The following ARHGEF4 variants were observed in gnomAD, a reference collection of about 807,000 sequenced individuals.
ARHGEF4 encodes APC-stimulated guanine nucleotide exchange factor 1.
Under a neutral mutation model 162.0 loss-of-function variants are expected in ARHGEF4, and 119 were observed. That is an observed-to-expected ratio of 0.73 (90% CI 0.63 to 0.86). The LOEUF (loss-of-function observed/expected upper bound fraction) is 0.86. Among genes scored for constraint, ARHGEF4 ranks in the 40% least tolerant of loss-of-function variants. The pLI is 0.00. For missense variants in ARHGEF4, 2,488 were observed against 2,456.0 expected, an observed-to-expected ratio of 1.01 and a Z score of -0.28; for synonymous variants, 1,014 against 979.9, an observed-to-expected ratio of 1.03 and a Z score of -0.65.
chr2:130,973,366 G>A (rs1191416595), intron 4 of ARHGEF4, among the ~76,000 whole-genome samples: 2 of 152,194 alleles, frequency 1.3e-5, no homozygotes, highest in Non-Finnish European at 2.9e-5. Flanking sequence ...GTGCAAGCCT[G>A]TAATCCCAGC....
intron 4 of ARHGEF4, among the ~76,000 whole-genome samples, chr2:130,971,524 G>A (rs1308632390): frequency 6.6e-6 from 1 of 152,096 alleles, no homozygotes; most frequent in Admixed American, 6.5e-5. Context: ...CAGGCGTGGT[G>A]GCGGGCGCCT....
At chr2:130,906,952 G>C (rs1355735230) in intron 1 of ARHGEF4, among the ~76,000 whole-genome samples, 1 of 152,072 alleles carries the variant, frequency 6.6e-6, no homozygotes, top group African/African-American at 2.4e-5. Context: ...GTAGATTTTG[G>C]CAAATTTATA....
chr2:130,848,136 C>T (rs945638352), intron 1 of ARHGEF4, among the ~76,000 whole-genome samples: 1 of 152,166 alleles, frequency 6.6e-6, no homozygotes, highest in Admixed American at 6.5e-5. Context: ...AGCAGGCCAT[C>T]TGCACAGGAT....
At chr2:130,845,116 C>A (rs902361005) in intron 1 of ARHGEF4, among the ~76,000 whole-genome samples, 3 of 151,826 alleles carry the variant, frequency 2.0e-5, no homozygotes, top group African/African-American at 7.2e-5. Context: ...GCCACCCGGC[C>A]CGCTATATTT....
chr2:131,029,790 G>A (rs564589659), intron 5 of ARHGEF4, among the ~76,000 whole-genome samples: 1 of 152,306 alleles, frequency 6.6e-6, no homozygotes, highest in Admixed American at 6.5e-5. Context: ...TTGAACTCAG[G>A]TGATCTGCCC....
In ARHGEF4 at chr2:130,917,444, G is replaced by A; in HGVS notation, c.3498G>A (p.Gln1166=). Residue 1166 remains glutamine, a synonymous_variant, in exon 2 of 14, where the codon CAG becomes CAA. Coordinates refer to ENST00000409359, the MANE Select transcript of ARHGEF4 (RefSeq NM_001367493.1). ...AGGAAGAGAGCAGGGAAGGAGGCCA[G>A]GGTCCGCGCGGCTTGGGCACAGTGC... The part of the protein sequence containing the change: ...EQKEESREGG[Q]GPRGLGTVPW... 1.3e-6 allele frequency: 2 copies of A among 1,550,620 alleles called. No homozygotes were observed. Among genetic ancestry groups the A allele is most frequent in the Non-Finnish European group, 1.7e-6 (2 of 1,147,008 alleles).
chr2:130,916,858 GTC>G lies in ARHGEF4; in HGVS notation c.2914_2915del (p.Leu972AlafsTer17), dbSNP rs1559038455. The G allele has an allele frequency of 1.3e-6, 2 of 1,550,404 alleles. No homozygotes were observed. Among genetic ancestry groups the G allele is most frequent in the South Asian group, 1.2e-5 (1 of 84,056 alleles). ...AGCCCCAAAAAGCCCACCCTAGTGAGTCTGCCTCTAGGACCCGAAGTTCTCTC... is the reference window on the plus strand; with the variant it reads ...AGCCCCAAAAAGCCCACCCTAGTGAGTGCCTCTAGGACCCGAAGTTCTCTC... On this transcript the variant is annotated frameshift_variant, in exon 2 of 14. Transcript: ENST00000409359. LOFTEE classifies it high-confidence loss of function.
chr2:131,029,282 C>T (rs1378879670), intron 5 of ARHGEF4, among the ~76,000 whole-genome samples: 2 of 152,072 alleles, frequency 1.3e-5, no homozygotes, highest in East Asian at 1.9e-4. Flanking sequence ...TAGCTTAAAC[C>T]TGGGAGGCAG....
chr2:130,973,821 A>C (rs2105227863), intron 4 of ARHGEF4, among the ~76,000 whole-genome samples: 2 of 152,344 alleles, frequency 1.3e-5, no homozygotes, highest in South Asian at 4.1e-4. Context: ...GCAAGGTGAG[A>C]GAATAGATGA....
At chr2:131,035,352 G>C (rs1690183080) in intron 5 of ARHGEF4, 1 of 1,099,548 alleles carries the variant, frequency 9.1e-7, no homozygotes, top group Non-Finnish European at 1.1e-6. Flanking sequence ...TGGTCGCGGA[G>C]GGAAGGCCTC....
Position 131,041,217 on chromosome 2 carries a change from C to A in ARHGEF4, c.4663-13C>A. On this transcript the variant is annotated splice_polypyrimidine_tract_variant and intron_variant, in intron 8 of 13. Transcript: ENST00000409359. ...AGCAGAGAGCTCTGCTAACCTCCAG[C>A]TGTGCCCCTTAGCAAGCCGACTTCC... 1 of 1,609,436 alleles carries A rather than the reference C, an allele frequency of 6.2e-7. No individual in the cohort carries two copies. The highest frequency in any genetic ancestry group is 1.1e-5 in the South Asian group (1 of 90,466).
chr2:131,038,828 C>CGCCT, intron 5 of ARHGEF4, 25 bp from the exon 6 acceptor site: 2 of 1,584,298 alleles, frequency 1.3e-6, no homozygotes, highest in Non-Finnish European at 1.7e-6. Flanking sequence ...CCCACTGACC[C>CGCCT]GCCTGCCCGT....
chr2:131,034,670 G>A (rs1054270443), intron 5 of ARHGEF4, among the ~76,000 whole-genome samples: 1 of 152,196 alleles, frequency 6.6e-6, no homozygotes, highest in Non-Finnish European at 1.5e-5. Flanking sequence ...CAAAGCGCCG[G>A]TGCCAGGCGT....
chr2:130,873,405 G>A (rs189738146), intron 1 of ARHGEF4, among the ~76,000 whole-genome samples: 6 of 152,086 alleles, frequency 3.9e-5, no homozygotes, highest in African/African-American at 1.4e-4. Flanking sequence ...CCTGGCCAAC[G>A]TGGTGAAACC....
intron 4 of ARHGEF4, among the ~76,000 whole-genome samples, chr2:131,022,943 A>T (rs1222348173): frequency 1.3e-5 from 2 of 151,938 alleles, no homozygotes; most frequent in African/African-American, 4.8e-5. Context: ...TAACTCAAAT[A>T]TATAAAGAAC....
chr2:130,915,627 G>T lies in ARHGEF4; in HGVS notation c.1681G>T (p.Ala561Ser). 1.3e-6 allele frequency: 2 copies of T among 1,550,494 alleles called. No individual in the cohort carries two copies. Among genetic ancestry groups the T allele is most frequent in the Non-Finnish European group, 1.7e-6 (2 of 1,146,984 alleles). ...DAPETTQKSS[A>S]IDTSKAAEEA... is the part of the protein sequence containing the mutation. ...CCCTGAGACCACCCAGAAATCAAGC[G>T]CAATAGACACTTCAAAGGCAGCCGA... Residue 561 changes from alanine to serine, a missense_variant, in exon 2 of 14, where the codon GCA becomes TCA. Ala to Ser is a moderately conservative substitution (Grantham distance 99, BLOSUM62 1). Transcript: ENST00000409359.
At chr2:131,007,004 C>T (rs1025943962) in intron 4 of ARHGEF4, among the ~76,000 whole-genome samples, 1 of 152,200 alleles carries the variant, frequency 6.6e-6, no homozygotes, top group Non-Finnish European at 1.5e-5. Context: ...CAATGACATA[C>T]ATCTTCCACC....
At chr2:131,039,893 C>G (rs1690631840) in intron 6 of ARHGEF4, 123 bp from the exon 7 acceptor site, 1 of 1,448,262 alleles carries the variant, frequency 6.9e-7, no homozygotes, top group Admixed American at 2.7e-5. Flanking sequence ...CCGGCCAGTC[C>G]TCAGCCCTGC....
At chr2:130,924,157 A>T (rs577515803) in intron 2 of ARHGEF4, among the ~76,000 whole-genome samples, 142 of 151,864 alleles carry the variant, frequency 9.4e-4, no homozygotes, top group African/African-American at 3.2e-3. Flanking sequence ...CTGGGATTAC[A>T]GGCTTGAGCC....
Sources: gnomAD v4.1 joint callset for allele counts (sites outside exome capture counted in the v4.1 genomes callset) on GRCh38, gnomAD v4.1.1 for gene constraint, MANE v1.5 for transcripts, NCBI Gene and HGNC (gene_info 2026-07-23, HGNC 2026-07-21) for gene names.